The following SGCZ variants were observed in gnomAD, a reference collection of about 807,000 sequenced individuals.
The protein encoded by SGCZ is zeta-sarcoglycan.
A neutral mutation model predicts 41.3 loss-of-function variants in SGCZ; 40 were observed. The ratio of observed to expected loss-of-function variants is 0.97; its 90% confidence interval spans 0.75 to 1.26. The LOEUF is 1.26. SGCZ is among the 50% of genes most tolerant of loss of function. The pLI is 0.00. For missense variants in SGCZ, 552 were observed against 369.8 expected (o/e 1.49, Z -4.04); for synonymous variants, 206 against 137.5 (o/e 1.50, Z -3.49).
intron 5 of SGCZ, among the ~76,000 whole-genome samples, chr8:14,154,806 T>C (rs1217059061): frequency 2.0e-5 from 3 of 152,166 alleles, no homozygotes; most frequent in Admixed American, 6.5e-5. Context: ...CGGAGGTACA[T>C]GGATGGGCCA....
At chr8:14,645,181 A>C (rs77582468) in intron 1 of SGCZ, among the ~76,000 whole-genome samples, 1 of 151,460 alleles carries the variant, frequency 6.6e-6, no homozygotes, top group East Asian at 1.9e-4. Flanking sequence ...TGAGGAATGG[A>C]TCTCTGAATG....
intron 1 of SGCZ, among the ~76,000 whole-genome samples, chr8:15,016,078 G>C (rs370641982): frequency 1.9e-4 from 29 of 151,996 alleles, no homozygotes; most frequent in Admixed American, 3.9e-4. Context: ...CTGCTGATTA[G>C]CCATAACGAG....
intron 3 of SGCZ, among the ~76,000 whole-genome samples, chr8:14,275,325 C>A (rs1232590578): frequency 1.3e-5 from 2 of 152,106 alleles, no homozygotes; most frequent in Non-Finnish European, 2.9e-5. Context: ...AAAACCTGAT[C>A]AAAACCCAAT....
intron 2 of SGCZ, among the ~76,000 whole-genome samples, chr8:14,438,077 A>G (rs569169600): frequency 1.3e-5 from 2 of 152,010 alleles, no homozygotes; most frequent in Admixed American, 6.6e-5. Flanking sequence ...CTTTCCTATC[A>G]TATAATTGAT....
chr8:14,178,616 T>C (rs1331263298), intron 4 of SGCZ, among the ~76,000 whole-genome samples: 1 of 152,204 alleles, frequency 6.6e-6, no homozygotes, highest in Non-Finnish European at 1.5e-5. Context: ...ACAGCTGAAT[T>C]TTCTGAATCA....
intron 2 of SGCZ, among the ~76,000 whole-genome samples, chr8:14,403,104 G>A (rs1799121935): frequency 1.3e-5 from 2 of 150,152 alleles, no homozygotes; most frequent in Admixed American, 6.6e-5. Context: ...TGCTGTTGGT[G>A]TATAAGAATG....
At chr8:14,447,962 G>C (rs1210820702) in intron 2 of SGCZ, among the ~76,000 whole-genome samples, 1 of 152,110 alleles carries the variant, frequency 6.6e-6, no homozygotes, top group African/African-American at 2.4e-5. Context: ...CAAGCTCTAA[G>C]AGCCCAAACG....
intron 4 of SGCZ, among the ~76,000 whole-genome samples, chr8:14,199,293 C>A (rs1051318431): frequency 6.6e-6 from 1 of 152,162 alleles, no homozygotes; most frequent in Non-Finnish European, 1.5e-5. Context: ...CCATAGCACT[C>A]CCAAGCTTAT....
At chr8:15,017,007 C>A (rs1803065058) in intron 1 of SGCZ, among the ~76,000 whole-genome samples, 1 of 152,148 alleles carries the variant, frequency 6.6e-6, no homozygotes, top group Non-Finnish European at 1.5e-5. Context: ...CCCCATGACC[C>A]AAACACCTCC....
At chr8:14,582,452 T>G (rs930014888) in intron 1 of SGCZ, among the ~76,000 whole-genome samples, 9 of 152,118 alleles carry the variant, frequency 5.9e-5, no homozygotes, top group African/African-American at 2.2e-4. Context: ...TCATGTATTT[T>G]GGGGGGAGCT....
intron 5 of SGCZ, among the ~76,000 whole-genome samples, chr8:14,163,289 C>A (rs1321150841): frequency 6.6e-6 from 1 of 151,990 alleles, no homozygotes; most frequent in African/African-American, 2.4e-5. Flanking sequence ...AATACTTATT[C>A]GTTATTTTTC....
intron 1 of SGCZ, among the ~76,000 whole-genome samples, chr8:15,024,475 T>C (rs1585484654): frequency 6.6e-6 from 1 of 152,174 alleles, no homozygotes; most frequent in Non-Finnish European, 1.5e-5. Context: ...ACTGGTTCTG[T>C]AGAGTTATAC....
chr8:14,578,858 T>A (rs1804797119), intron 1 of SGCZ, among the ~76,000 whole-genome samples: 1 of 152,178 alleles, frequency 6.6e-6, no homozygotes. Flanking sequence ...GCATCCAATT[T>A]GTAAATTTAC....
chr8:14,426,348 G>T (rs1799782013), intron 2 of SGCZ, among the ~76,000 whole-genome samples: 1 of 152,082 alleles, frequency 6.6e-6, no homozygotes, highest in African/African-American at 2.4e-5. Flanking sequence ...TTTAAATAGG[G>T]TCGTGAGAGT....
chr8:14,232,283 T>C (rs1806599827), intron 4 of SGCZ, among the ~76,000 whole-genome samples: 1 of 152,096 alleles, frequency 6.6e-6, no homozygotes, highest in African/African-American at 2.4e-5. Flanking sequence ...ATAAACCTTC[T>C]TGGACAAAGA....
In SGCZ at chr8:14,817,911, G is replaced by A. The variant is rs575964817; in HGVS notation, c.40-262985C>T. 1.2e-4 allele frequency among the ~76,000 whole-genome samples: 19 copies of A among 152,234 alleles called. 1 individual carries two copies. The highest frequency in any genetic ancestry group is 4.3e-4 in the African/African-American group (18 of 41,524). ...CTGTGCCTGCAAACACTCACACCTG[G>A]CTCAACAGGCAGTCCCTTAGTGGAC... On this transcript the variant is annotated intron_variant, in intron 1 of 7. Coordinates refer to ENST00000382080, the MANE Select transcript of SGCZ (RefSeq NM_139167.4).
chr8:14,760,299 G>A (rs550393107), intron 1 of SGCZ, among the ~76,000 whole-genome samples: 6 of 152,096 alleles, frequency 3.9e-5, no homozygotes, highest in South Asian at 2.1e-4. Context: ...ACACAACACC[G>A]TTTTATAAAT....
intron 1 of SGCZ, among the ~76,000 whole-genome samples, chr8:15,109,775 T>G (rs1383703009): frequency 2.0e-5 from 3 of 152,162 alleles, no homozygotes; most frequent in Non-Finnish European, 4.4e-5. Flanking sequence ...TGTTAGCCAT[T>G]ATTATTATTG....
At chr8:14,247,142 A>C (rs933216869) in intron 3 of SGCZ, among the ~76,000 whole-genome samples, 1 of 152,090 alleles carries the variant, frequency 6.6e-6, no homozygotes, top group African/African-American at 2.4e-5. Context: ...AACTTTATGC[A>C]TTTCTACTCT....
Sources: allele counts gnomAD v4.1 joint callset (sites outside exome capture counted in the v4.1 genomes callset), GRCh38; gene constraint gnomAD v4.1.1; transcripts MANE v1.5; gene names NCBI Gene and HGNC (gene_info 2026-07-23, HGNC 2026-07-21).